The following MECOM variants were observed in gnomAD, a reference collection of about 807,000 sequenced individuals.
MECOM encodes the protein histone-lysine N-methyltransferase MECOM.
MECOM carries 13 observed loss-of-function variants against 116.3 expected under a neutral mutation model. The ratio of observed to expected loss-of-function variants is 0.11; its 90% CI spans 0.07 to 0.18. The LOEUF is 0.18. MECOM is among the 10% of genes least tolerant of loss of function. The pLI is 1.00. For missense variants in MECOM, 1,299 were observed against 1,509.0 expected (o/e 0.86, Z 2.31); for synonymous variants, 528 against 535.2 (o/e 0.99, Z 0.19).
Position 169,492,053 on chromosome 3 carries a change from T to C in MECOM, c.38-110529A>G, listed in dbSNP as rs1305810563. The stretch of plus-strand genomic sequence containing the variant: ...ATAAGTGCTTTTTAAGCTTCCCAAG[T>C]TTGGTACATTAGTATTGTCTTCAAT... On this transcript the variant is annotated intron_variant, in intron 1 of 16. Transcript: ENST00000651503. 2.0e-5 allele frequency among the ~76,000 whole-genome samples: 3 copies of C among 152,160 alleles called. No individual in the cohort carries two copies. The East Asian group carries it at 5.8e-4, about 29-fold the overall frequency.
intron 2 of MECOM, among the ~76,000 whole-genome samples, chr3:169,327,222 A>T (rs527491262): frequency 6.6e-6 from 1 of 152,376 alleles, no homozygotes; most frequent in South Asian, 2.1e-4. Context: ...ATGGTCATGT[A>T]TATTACCATG....
At chr3:169,151,969 A>G (rs1230897346) in intron 2 of MECOM, among the ~76,000 whole-genome samples, 3 of 152,236 alleles carry the variant, frequency 2.0e-5, no homozygotes, top group Non-Finnish European at 4.4e-5. Flanking sequence ...AAGATAAACT[A>G]GATCAGAAAG....
chr3:169,458,257 A>G (rs956128197), intron 1 of MECOM, among the ~76,000 whole-genome samples: 6 of 152,160 alleles, frequency 3.9e-5, no homozygotes, highest in African/African-American at 1.4e-4. Flanking sequence ...ACCAAGATTA[A>G]TGGTATCCCA....
intron 12 of MECOM, among the ~76,000 whole-genome samples, chr3:169,100,099 TTC>T (rs201669719): frequency 0.19 from 12,302 of 64,326 alleles, 1,489 homozygotes; most frequent in East Asian, 0.42. Context: ...CTTTCTTTCT[TTC>T]TTTTTTTTTT....
chr3:169,472,731 GA>G, intron 1 of MECOM, among the ~76,000 whole-genome samples: 3 of 144,590 alleles, frequency 2.1e-5, no homozygotes, highest in African/African-American at 5.1e-5. Flanking sequence ...GAGGGGGAAG[GA>G]AGGAAGGAAG....
rs1004489076 is a variant in MECOM at position 169,526,578 on chromosome 3, T to G, written c.37+136758A>C. On this transcript the variant is annotated intron_variant, in intron 1 of 16. Transcript: ENST00000651503. Reference sequence around the variant, plus strand: ...TCAGCAGAACACATTTTGACCTTCTTAAGATGAGTAAAGATTTTCAAATAA... The same window carrying G: ...TCAGCAGAACACATTTTGACCTTCTGAAGATGAGTAAAGATTTTCAAATAA... Among the ~76,000 whole-genome samples the G allele has an allele frequency of 3.3e-5, 5 of 152,234 alleles. 1 individual carries two copies. The highest frequency in any genetic ancestry group is 1.2e-4 in the African/African-American group (5 of 41,468).
At chr3:169,383,824 C>G (rs1327784109) in intron 1 of MECOM, among the ~76,000 whole-genome samples, 3 of 152,128 alleles carry the variant, frequency 2.0e-5, no homozygotes, top group Non-Finnish European at 4.4e-5. Context: ...CAAAGGGAAC[C>G]CCCAAGTTAG....
chr3:169,449,065 G>A (rs957641442), intron 1 of MECOM, among the ~76,000 whole-genome samples: 1 of 152,096 alleles, frequency 6.6e-6, no homozygotes, highest in Non-Finnish European at 1.5e-5. Context: ...CATTTTGAAA[G>A]CAAAGCCAAA....
At chr3:169,268,944 G>T (rs1758616057) in intron 2 of MECOM, among the ~76,000 whole-genome samples, 1 of 152,162 alleles carries the variant, frequency 6.6e-6, no homozygotes, top group Non-Finnish European at 1.5e-5. Context: ...TTACTAAGCG[G>T]ATTTAATTGG....
intron 2 of MECOM, among the ~76,000 whole-genome samples, chr3:169,277,572 C>T (rs190190351): frequency 5.3e-5 from 8 of 152,266 alleles, no homozygotes; most frequent in Admixed American, 5.2e-4. Context: ...CCCTAACCTC[C>T]CTATACCAGG....
chr3:169,523,349 G>A (rs914331263), intron 1 of MECOM, among the ~76,000 whole-genome samples: 1 of 152,078 alleles, frequency 6.6e-6, no homozygotes, highest in African/African-American at 2.4e-5. Context: ...TCTGCTGGTT[G>A]GGAGAGAGGA....
intron 1 of MECOM, among the ~76,000 whole-genome samples, chr3:169,543,798 C>T (rs1467010524): frequency 6.6e-6 from 1 of 152,114 alleles, no homozygotes; most frequent in Non-Finnish European, 1.5e-5. Context: ...ACATTTTCTT[C>T]CTACAGGGAT....
In MECOM at chr3:169,127,436, T is replaced by C. The variant is rs576770290; in HGVS notation, c.830+408A>G. 1.0e-3 allele frequency among the ~76,000 whole-genome samples: 154 copies of C among 152,248 alleles called. 1 individual carries two copies. The highest frequency in any genetic ancestry group is 3.5e-3 in the African/African-American group (144 of 41,570). ...GAATTACTGCTCTATCAAAAGATCA[T>C]TTACCTGTCATTAAGTGAATACCAG... On this transcript the variant is annotated intron_variant, in intron 5 of 16. Transcript: ENST00000651503.
intron 1 of MECOM, among the ~76,000 whole-genome samples, chr3:169,523,403 A>C (rs1267009317): frequency 1.3e-5 from 2 of 150,324 alleles, no homozygotes; most frequent in Non-Finnish European, 1.5e-5. Context: ...TCCAGAAGAT[A>C]TTCGCCATGA....
chr3:169,628,469 T>C (rs1256455915), intron 1 of MECOM, among the ~76,000 whole-genome samples: 3 of 152,182 alleles, frequency 2.0e-5, no homozygotes, highest in African/African-American at 7.2e-5. Context: ...AAGATTCAAT[T>C]AGGTTTAACA....
At chr3:169,086,987 T>C (rs1379284698) in intron 16 of MECOM, among the ~76,000 whole-genome samples, 1 of 152,166 alleles carries the variant, frequency 6.6e-6, no homozygotes, top group Admixed American at 6.6e-5. Context: ...ATGAATGATA[T>C]TATGAAATAA....
intron 1 of MECOM, among the ~76,000 whole-genome samples, chr3:169,446,738 TAAAG>T (rs1367915335): frequency 6.6e-6 from 1 of 152,156 alleles, no homozygotes. Flanking sequence ...GTTAAGGAAA[TAAAG>T]ACTGAGAGAG....
intron 1 of MECOM, among the ~76,000 whole-genome samples, chr3:169,458,789 A>T (rs1330871704): frequency 2.0e-5 from 3 of 152,192 alleles, no homozygotes; most frequent in African/African-American, 7.2e-5. Flanking sequence ...CTAAGGGTAG[A>T]GGCTACAAAG....
chr3:169,482,817 T>C (rs926692987), intron 1 of MECOM, among the ~76,000 whole-genome samples: 1 of 152,210 alleles, frequency 6.6e-6, no homozygotes, highest in Non-Finnish European at 1.5e-5. Context: ...ATGTTTTAGC[T>C]CTCAATGACC....
Sources: gnomAD v4.1 joint callset for allele counts (sites outside exome capture counted in the v4.1 genomes callset) on GRCh38, gnomAD v4.1.1 for gene constraint, MANE v1.5 for transcripts, NCBI Gene and HGNC (gene_info 2026-07-23, HGNC 2026-07-21) for gene names.